The following NRCAM variants were observed in gnomAD, a reference collection of about 807,000 sequenced individuals.
NRCAM encodes neuronal cell adhesion molecule.
NRCAM carries 83 observed loss-of-function variants against 156.5 expected under a neutral mutation model. The ratio of observed to expected loss-of-function variants is 0.53; its 90% confidence interval spans 0.44 to 0.64. NRCAM has a LOEUF of 0.64. NRCAM is among the 30% of genes least tolerant of loss of function. NRCAM has a pLI of 0.00. For missense variants in NRCAM, 1,417 were observed against 1,597.3 expected, an observed-to-expected ratio of 0.89 and a Z score of 1.92; for synonymous variants, 538 against 563.9, an observed-to-expected ratio of 0.95 and a Z score of 0.65.
rs115536782 is a variant in NRCAM at position 108,158,755 on chromosome 7, G to A, written c.3677+708C>T. On this transcript the variant is annotated intron_variant, in intron 32 of 32. Coordinates refer to ENST00000379028, the MANE Select transcript of NRCAM (RefSeq NM_001037132.4). ...GCCCACATTTTATTTAAATAAATAC[G>A]TACTTTGTTTCTGTTTAATTTAAAC... 3.7e-3 allele frequency among the ~76,000 whole-genome samples: 558 copies of A among 152,158 alleles called. 8 individuals carry two copies. The highest frequency in any genetic ancestry group is 0.013 in the African/African-American group (532 of 41,534).
Position 108,184,226 on chromosome 7 carries a change from G to A in NRCAM, c.2304+15C>T, listed in dbSNP as rs773043458. On this transcript the variant is annotated intron_variant, in intron 22 of 32. Coordinates refer to ENST00000379028, the MANE Select transcript of NRCAM (RefSeq NM_001037132.4). The stretch of plus-strand genomic sequence containing the variant: ...CTAAAAAATAGCGAATAAATTTGAA[G>A]GCATCATAGCTCACCTTCCACGTAA... 1.3e-6 allele frequency: 2 copies of A among 1,598,808 alleles called. No homozygotes were observed. Among genetic ancestry groups the A allele is most frequent in the African/African-American group, 2.7e-5 (2 of 74,566 alleles).
chr7:108,271,760 C>G, intron 3 of NRCAM, among the ~76,000 whole-genome samples: 1 of 151,780 alleles, frequency 6.6e-6, no homozygotes, highest in East Asian at 1.9e-4. Flanking sequence ...AAGTTCTTAC[C>G]CCATTTACTT....
At chr7:108,417,098 C>A (rs990926210) in intron 1 of NRCAM, among the ~76,000 whole-genome samples, 8 of 152,190 alleles carry the variant, frequency 5.3e-5, no homozygotes, top group Admixed American at 4.6e-4. Context: ...TCTCATGATT[C>A]TCTGCTTTTG....
rs528075274 is a variant in NRCAM, at chr7:108,257,822, T to C, written c.-106-17652A>G. On this transcript the variant is annotated intron_variant, in intron 3 of 32. Transcript: ENST00000379028. ...TTGCTTTTAACTTCACATTCACAGG[T>C]ATGTGAGCTATTAAACCTAAGTCAG... is the stretch of plus-strand genomic sequence containing the variant. 2.0e-5 allele frequency among the ~76,000 whole-genome samples: 3 copies of C among 152,142 alleles called. No individual in the cohort carries two copies. In the East Asian group the frequency reaches 5.8e-4, roughly 29 times the overall value.
chr7:108,255,241 C>A (rs1236836832), intron 3 of NRCAM, among the ~76,000 whole-genome samples: 3 of 151,184 alleles, frequency 2.0e-5, no homozygotes, highest in Non-Finnish European at 4.4e-5. Context: ...GTACTGCCGC[C>A]ATCTCGGCTC....
intron 4 of NRCAM, among the ~76,000 whole-genome samples, chr7:108,238,699 G>A (rs1346928612): frequency 6.6e-6 from 1 of 152,086 alleles, no homozygotes; most frequent in Non-Finnish European, 1.5e-5. Context: ...CTGTGTATCT[G>A]TCAGGGCAAA....
chr7:108,279,192 G>C (rs774239669), intron 3 of NRCAM, among the ~76,000 whole-genome samples: 4 of 152,186 alleles, frequency 2.6e-5, no homozygotes, highest in Non-Finnish European at 5.9e-5. Flanking sequence ...AAAATCGCTG[G>C]AAAGTCTCTG....
At chr7:108,329,233 C>T (rs1374830351) in intron 2 of NRCAM, among the ~76,000 whole-genome samples, 2 of 152,126 alleles carry the variant, frequency 1.3e-5, no homozygotes, top group South Asian at 2.1e-4. Flanking sequence ...AAGCCAGATG[C>T]TATTGGTACC....
intron 3 of NRCAM, among the ~76,000 whole-genome samples, chr7:108,291,063 G>T (rs563815665): frequency 3.0e-4 from 46 of 152,182 alleles, no homozygotes; most frequent in South Asian, 1.9e-3. Context: ...TGCGAAAACC[G>T]GCGAGTCCAG....
chr7:108,303,575 C>T (rs1389612013), intron 3 of NRCAM, among the ~76,000 whole-genome samples: 3 of 152,136 alleles, frequency 2.0e-5, no homozygotes, highest in Non-Finnish European at 4.4e-5. Context: ...AATGGAATCC[C>T]ATAATCTATC....
chr7:108,179,350 G>T (rs2062282983), intron 25 of NRCAM, among the ~76,000 whole-genome samples: 3 of 152,182 alleles, frequency 2.0e-5, no homozygotes, highest in African/African-American at 7.2e-5. Flanking sequence ...GTGGTTCTCA[G>T]AGGCTGCTGG....
chr7:108,415,458 TA>T (rs1384321194), intron 1 of NRCAM, among the ~76,000 whole-genome samples: 1 of 152,188 alleles, frequency 6.6e-6, no homozygotes, highest in Admixed American at 6.5e-5. Flanking sequence ...AATGACTTCC[TA>T]AAACATCAAA....
chr7:108,435,135 A>C lies in NRCAM; in HGVS notation c.-332+21108T>G, dbSNP rs751047535. Among the ~76,000 whole-genome samples, 9 of 152,220 alleles carry C rather than the reference A, an allele frequency of 5.9e-5. 1 individual carries two copies. In the South Asian group the frequency reaches 1.7e-3, roughly 28 times the overall value. ...TATTATAAATATGTTCCGAAACTAAAGAAAACCATGTTTAAAAATTAAAGG... is the reference window on the plus strand; with the variant it reads ...TATTATAAATATGTTCCGAAACTAACGAAAACCATGTTTAAAAATTAAAGG... On this transcript the variant is annotated intron_variant, in intron 1 of 32. Coordinates refer to ENST00000379028, the MANE Select transcript of NRCAM (RefSeq NM_001037132.4).
intron 1 of NRCAM, among the ~76,000 whole-genome samples, chr7:108,430,738 T>C (rs1312289410): frequency 5.3e-5 from 8 of 152,184 alleles, no homozygotes; most frequent in African/African-American, 1.9e-4. Context: ...GATGCCCTTT[T>C]ACCTCCTTTC....
At chr7:108,297,437 A>G (rs187083167) in intron 3 of NRCAM, among the ~76,000 whole-genome samples, 77 of 152,366 alleles carry the variant, frequency 5.1e-4, no homozygotes, top group African/African-American at 1.8e-3. Flanking sequence ...GTCACAGAAA[A>G]TTAAAGCAGC....
chr7:108,199,719 TTAGA>T (rs1207384633), intron 13 of NRCAM, among the ~76,000 whole-genome samples: 3 of 152,168 alleles, frequency 2.0e-5, no homozygotes, highest in African/African-American at 7.2e-5. Flanking sequence ...TGGGCCCAAA[TTAGA>T]TAGTCCAGGA....
At chr7:108,362,768 AT>A (rs1000409941) in intron 2 of NRCAM, among the ~76,000 whole-genome samples, 6 of 151,986 alleles carry the variant, frequency 3.9e-5, no homozygotes, top group South Asian at 2.1e-4. Context: ...AGATGGTTAC[AT>A]ATAGGAATAT....
At chr7:108,341,882 G>A (rs536663025) in intron 2 of NRCAM, among the ~76,000 whole-genome samples, 6 of 152,242 alleles carry the variant, frequency 3.9e-5, no homozygotes, top group South Asian at 2.1e-4. Flanking sequence ...CAGTGAGGCC[G>A]TTGTCCCTCT....
intron 3 of NRCAM, among the ~76,000 whole-genome samples, chr7:108,290,004 C>T (rs1378139368): frequency 1.3e-5 from 2 of 152,038 alleles, no homozygotes; most frequent in Admixed American, 1.3e-4. Context: ...AAAGAGATTC[C>T]CTACTTTTGG....
Sources: allele counts gnomAD v4.1 joint callset (sites outside exome capture counted in the v4.1 genomes callset), GRCh38; gene constraint gnomAD v4.1.1; transcripts MANE v1.5; gene names NCBI Gene and HGNC (gene_info 2026-07-23, HGNC 2026-07-21).